MXI1: variants seen among roughly 807,000 people sequenced by gnomAD.
MXI1 encodes the protein MAX interactor 1, dimerization protein, also known as max-interacting protein 1.
Under a neutral mutation model 36.9 loss-of-function variants are expected in MXI1, and 18 were observed. The ratio of observed to expected loss-of-function variants is 0.49; its 90% confidence interval spans 0.34 to 0.72. MXI1 has a LOEUF of 0.72. Ranked by LOEUF, MXI1 falls within the 30% of genes least tolerant of loss-of-function variation. MXI1 has a pLI of 0.01. For synonymous variants in MXI1, 160 were observed against 146.7 expected, an observed-to-expected ratio of 1.09 and a Z score of -0.65; for missense variants, 304 against 379.1, an observed-to-expected ratio of 0.80 and a Z score of 1.64.
intron 2 of MXI1, among the ~76,000 whole-genome samples, chr10:110,236,846 A>T (rs946188681): frequency 5.9e-5 from 9 of 152,260 alleles, no homozygotes; most frequent in African/African-American, 2.2e-4. Context: ...CACTGGATCT[A>T]TAAATTAATT....
intron 2 of MXI1, among the ~76,000 whole-genome samples, chr10:110,231,148 C>T (rs1015749152): frequency 2.0e-5 from 3 of 152,094 alleles, no homozygotes; most frequent in African/African-American, 7.2e-5. Context: ...AGGTGGATTG[C>T]CTGAGGTCAG....
chr10:110,226,036 G>A lies in MXI1; in HGVS notation c.275-2153G>A, dbSNP rs1180679208. The A allele has an allele frequency of 6.1e-6, 6 of 981,256 alleles. No individual in the cohort carries two copies. The African/African-American group carries it at 1.1e-4, about 17-fold the overall frequency. The allele number at this position is 981,256 out of a possible 1,614,324, so 60.8% of individuals were successfully genotyped here. A position where few individuals can be genotyped will look rare whatever the true frequency, so the allele number is the denominator to read the frequency against. ...GGGCTGCCCGCGGCACGGCGGGCGC[G>A]GCTGGCGCGGCTGGGGCGGCAGGGG... is the stretch of plus-strand genomic sequence containing the variant. On this transcript the variant is annotated intron_variant, in intron 1 of 5. Transcript: ENST00000332674.
chr10:110,266,867 T>G (rs1182913427), intron 3 of MXI1, among the ~76,000 whole-genome samples: 1 of 152,200 alleles, frequency 6.6e-6, no homozygotes, highest in Non-Finnish European at 1.5e-5. Flanking sequence ...TTTTAACCCA[T>G]AACCTATCTC....
In MXI1 at chr10:110,279,398, T is replaced by C. The variant is rs1857154361; in HGVS notation, c.552+104T>C. The C allele has an allele frequency of 1.2e-5, 11 of 910,052 alleles. No individual in the cohort carries two copies. In the South Asian group the frequency reaches 1.3e-4, roughly 11 times the overall value. 56.4% of individuals were successfully genotyped at this position (910,052 alleles called of 1,614,324 possible). ...ATCAGCTAGTTCACCATGCCCTCCT[T>C]AATAACTGACCTCAAGAGAAGTCTT... is the stretch of plus-strand genomic sequence containing the variant. On this transcript the variant is annotated intron_variant, in intron 4 of 5. Transcript: ENST00000332674.
At chr10:110,279,708 C>T (rs2134471473) in intron 4 of MXI1, among the ~76,000 whole-genome samples, 1 of 152,260 alleles carries the variant, frequency 6.6e-6, no homozygotes, top group Middle Eastern at 3.4e-3. Flanking sequence ...ATTACATACA[C>T]ACAAAAGTAA....
At chr10:110,229,277 T>G (rs1855173473) in intron 2 of MXI1, among the ~76,000 whole-genome samples, 2 of 152,214 alleles carry the variant, frequency 1.3e-5, no homozygotes, top group African/African-American at 4.8e-5. Flanking sequence ...TATTTCTGTT[T>G]CCCAGAGCTT....
intron 1 of MXI1, among the ~76,000 whole-genome samples, chr10:110,215,986 T>C (rs1368021700): frequency 6.6e-6 from 1 of 152,236 alleles, no homozygotes; most frequent in African/African-American, 2.4e-5. Flanking sequence ...CAATTGTCTC[T>C]GATGTCATTG....
chr10:110,259,100 T>C (rs1207979370), intron 3 of MXI1, among the ~76,000 whole-genome samples: 2 of 152,084 alleles, frequency 1.3e-5, no homozygotes, highest in East Asian at 3.8e-4. Context: ...AATAAACAAA[T>C]AAGTCAGACA....
intron 2 of MXI1, among the ~76,000 whole-genome samples, chr10:110,229,247 G>A (rs569836554): frequency 1.3e-5 from 2 of 152,320 alleles, no homozygotes; most frequent in Non-Finnish European, 2.9e-5. Context: ...CCATTGATAA[G>A]GGGAATTAAA....
intron 1 of MXI1, among the ~76,000 whole-genome samples, chr10:110,211,155 A>AAG (rs1358709180): frequency 6.8e-6 from 1 of 147,340 alleles, no homozygotes; most frequent in Admixed American, 6.8e-5. Context: ...CCTTCATTTC[A>AAG]GCGAGTTCCC....
intron 2 of MXI1, among the ~76,000 whole-genome samples, chr10:110,239,743 G>C (rs1855602016): frequency 6.6e-6 from 1 of 152,060 alleles, no homozygotes; most frequent in South Asian, 2.1e-4. Flanking sequence ...GATTTTTAAA[G>C]AATTCAGTTT....
Position 110,254,393 on chromosome 10 carries a change from C to T in MXI1, c.437+9536C>T, listed in dbSNP as rs182417659. On this transcript the variant is annotated intron_variant, in intron 3 of 5. Transcript: ENST00000332674. ...ACTGACTGGCTGTTGCCCCATCTCT[C>T]TCCCTCTTATTGTCCCTGAGACACA... is the stretch of plus-strand genomic sequence containing the variant. 8.3e-4 allele frequency among the ~76,000 whole-genome samples: 127 copies of T among 152,226 alleles called. 1 individual carries two copies. Among genetic ancestry groups the T allele is most frequent in the South Asian group, 1.5e-3 (7 of 4,822 alleles).
rs951936784 is a variant in MXI1, at chr10:110,285,327, C to A, written c.*340C>A. On this transcript the variant is annotated 3_prime_UTR_variant, in exon 6 of 6. Transcript: ENST00000332674. ...TCCTCTTTCTCTTTTCTAGTTTGCT[C>A]ATACTACATTGAGTAGACACATTTA... The A allele has an allele frequency of 1.1e-5, 2 of 189,668 alleles. No individual in the cohort carries two copies. The highest frequency in any genetic ancestry group is 2.8e-4 in the East Asian group (2 of 7,026). The allele number at this position is 189,668 out of a possible 1,614,324, so 11.7% of individuals were successfully genotyped here.
chr10:110,212,241 G>A (rs1440453610), intron 1 of MXI1, among the ~76,000 whole-genome samples: 1 of 152,144 alleles, frequency 6.6e-6, no homozygotes, highest in Non-Finnish European at 1.5e-5. Flanking sequence ...TGCTTTCCTA[G>A]GGGCACGGAC....
intron 1 of MXI1, chr10:110,227,557 G>C (rs948737739): frequency 1.0e-6 from 1 of 980,570 alleles, no homozygotes; most frequent in Non-Finnish European, 1.2e-6. Flanking sequence ...TGGGAGATAA[G>C]AGGAAGGAGG....
intron 1 of MXI1, chr10:110,226,321 C>T (rs1386164488): frequency 7.5e-6 from 11 of 1,460,884 alleles, no homozygotes; most frequent in South Asian, 1.3e-5. Flanking sequence ...CCGAGCGCTA[C>T]TAATCTTTTT....
chr10:110,283,529 G>C (rs1318773066), intron 5 of MXI1, among the ~76,000 whole-genome samples: 1 of 150,742 alleles, frequency 6.6e-6, no homozygotes, highest in Non-Finnish European at 1.5e-5. Context: ...CTCCCAAAGT[G>C]CTTGGCCGCA....
At chr10:110,264,935 A>T (rs576114685) in intron 3 of MXI1, among the ~76,000 whole-genome samples, 64 of 148,646 alleles carry the variant, frequency 4.3e-4, no homozygotes, top group East Asian at 7.8e-4. Context: ...TATGTTAAAA[A>T]TTTTTTTTTT....
intron 2 of MXI1, among the ~76,000 whole-genome samples, chr10:110,229,853 CT>C (rs35572551): frequency 6.0e-5 from 9 of 149,860 alleles, no homozygotes; most frequent in African/African-American, 7.4e-5. Flanking sequence ...GATTAAAAAA[CT>C]TTTTTTTTTC....
Sources: gnomAD v4.1 joint callset for allele counts (sites outside exome capture counted in the v4.1 genomes callset) on GRCh38, gnomAD v4.1.1 for gene constraint, MANE v1.5 for transcripts, NCBI Gene and HGNC (gene_info 2026-07-23, HGNC 2026-07-21) for gene names.